Variants in SGCZ observed in about 807,000 individuals in gnomAD.
SGCZ encodes zeta-sarcoglycan.
Under a neutral mutation model 41.3 loss-of-function variants are expected in SGCZ, and 40 were observed. The observed-to-expected ratio is 0.97, with a 90% CI of 0.75 to 1.26. The LOEUF is 1.26. Ranked by LOEUF, SGCZ falls within the 50% of genes most tolerant of loss-of-function variation. The pLI, the probability that SGCZ is intolerant of heterozygous loss-of-function variation, is 0.00. For missense variants in SGCZ, 552 were observed against 369.8 expected (o/e 1.49, Z -4.04); for synonymous variants, 206 against 137.5 (o/e 1.50, Z -3.49).
intron 1 of SGCZ, among the ~76,000 whole-genome samples, chr8:15,057,430 T>C (rs986711119): frequency 6.6e-6 from 1 of 152,168 alleles, no homozygotes; most frequent in Non-Finnish European, 1.5e-5. Flanking sequence ...TACTATTGCA[T>C]ACCAGAGATA....
intron 2 of SGCZ, among the ~76,000 whole-genome samples, chr8:14,549,772 A>G (rs1268127742): frequency 6.6e-6 from 1 of 152,118 alleles, no homozygotes. Context: ...GACAAATAAA[A>G]GAATAAATCT....
At chr8:14,790,817 G>C (rs1025862804) in intron 1 of SGCZ, among the ~76,000 whole-genome samples, 1 of 152,088 alleles carries the variant, frequency 6.6e-6, no homozygotes, top group Non-Finnish European at 1.5e-5. Flanking sequence ...GATTACCTGA[G>C]GTCAGGAGTT....
chr8:14,418,701 C>G (rs1799562037), intron 2 of SGCZ, among the ~76,000 whole-genome samples: 1 of 151,802 alleles, frequency 6.6e-6, no homozygotes. Flanking sequence ...ATGCCACAAT[C>G]AATTTATATT....
chr8:14,839,221 A>C (rs915748403), intron 1 of SGCZ, among the ~76,000 whole-genome samples: 4 of 152,060 alleles, frequency 2.6e-5, no homozygotes, highest in Admixed American at 6.6e-5. Context: ...AATATTTGAT[A>C]TGGGGTATAG....
At chr8:14,953,730 T>TA (rs1196620949) in intron 1 of SGCZ, among the ~76,000 whole-genome samples, 1 of 152,186 alleles carries the variant, frequency 6.6e-6, no homozygotes, top group Non-Finnish European at 1.5e-5. Flanking sequence ...ATGACGCCTC[T>TA]AGCATGATGT....
chr8:15,082,212 T>C (rs1031288419), intron 1 of SGCZ, among the ~76,000 whole-genome samples: 6 of 151,666 alleles, frequency 4.0e-5, no homozygotes, highest in African/African-American at 1.2e-4. Flanking sequence ...CTGGGCAACA[T>C]AGCGAGACTC....
At chr8:14,599,168 T>C (rs1805507567) in intron 1 of SGCZ, among the ~76,000 whole-genome samples, 1 of 152,196 alleles carries the variant, frequency 6.6e-6, no homozygotes, top group Admixed American at 6.5e-5. Flanking sequence ...GACCTCTGTC[T>C]CTTATCTCTT....
intron 2 of SGCZ, among the ~76,000 whole-genome samples, chr8:14,327,912 C>T (rs1802180311): frequency 6.6e-6 from 1 of 152,142 alleles, no homozygotes; most frequent in Non-Finnish European, 1.5e-5. Context: ...TCCTGAGTAG[C>T]AGGGACTACA....
intron 2 of SGCZ, among the ~76,000 whole-genome samples, chr8:14,391,493 G>A (rs945413616): frequency 6.6e-6 from 1 of 152,056 alleles, no homozygotes; most frequent in Non-Finnish European, 1.5e-5. Context: ...CGGCCCATAA[G>A]GACTACTGAT....
chr8:14,257,916 A>C (rs1799521119), intron 3 of SGCZ, among the ~76,000 whole-genome samples: 1 of 152,238 alleles, frequency 6.6e-6, no homozygotes, highest in Non-Finnish European at 1.5e-5. Flanking sequence ...ATATAGATAT[A>C]GATATATAGA....
chr8:14,229,101 A>G (rs1166894013), intron 4 of SGCZ, among the ~76,000 whole-genome samples: 1 of 152,142 alleles, frequency 6.6e-6, no homozygotes, highest in Admixed American at 6.6e-5. Context: ...TTCAGGTTTT[A>G]GTCTAGGTCC....
chr8:14,843,806 C>A (rs571568131), intron 1 of SGCZ, among the ~76,000 whole-genome samples: 1 of 151,942 alleles, frequency 6.6e-6, no homozygotes, highest in African/African-American at 2.4e-5. Flanking sequence ...CTTACATTGC[C>A]TTATCTAATT....
In SGCZ at chr8:14,326,266, G is replaced by C. The variant is rs1411069833; in HGVS notation, c.235-2062C>G. Among the ~76,000 whole-genome samples the C allele has an allele frequency of 2.6e-5, 4 of 151,970 alleles. No individual in the cohort carries two copies. The East Asian group carries it at 7.7e-4, about 29-fold the overall frequency. On this transcript the variant is annotated intron_variant, in intron 2 of 7. Coordinates refer to ENST00000382080, the MANE Select transcript of SGCZ (RefSeq NM_139167.4). ...GGGAAAATATCTTTTATGTGTTCAG[G>C]GATGTTGTGATCAGTATCAGACGAA...
intron 4 of SGCZ, among the ~76,000 whole-genome samples, chr8:14,189,075 T>C (rs1585214563): frequency 6.6e-6 from 1 of 150,500 alleles, no homozygotes; most frequent in Admixed American, 6.7e-5. Flanking sequence ...GCAAGGCTGG[T>C]CTTGAACTCC....
At chr8:15,091,061 T>C (rs1806139767) in intron 1 of SGCZ, among the ~76,000 whole-genome samples, 1 of 152,238 alleles carries the variant, frequency 6.6e-6, no homozygotes, top group East Asian at 1.9e-4. Flanking sequence ...TACCTGTTTT[T>C]ATATTAAATG....
chr8:14,854,289 A>G (rs1803463922), intron 1 of SGCZ, among the ~76,000 whole-genome samples: 1 of 151,724 alleles, frequency 6.6e-6, no homozygotes, highest in Admixed American at 6.6e-5. Flanking sequence ...GACTCACTTT[A>G]CTATTTCATT....
At chr8:14,592,632 T>G (rs1805276964) in intron 1 of SGCZ, among the ~76,000 whole-genome samples, 1 of 152,168 alleles carries the variant, frequency 6.6e-6, no homozygotes, top group Admixed American at 6.5e-5. Context: ...AAAAACAAAC[T>G]TTTAAGCAAA....
intron 2 of SGCZ, among the ~76,000 whole-genome samples, chr8:14,455,548 T>G (rs1348404786): frequency 6.6e-6 from 1 of 151,896 alleles, no homozygotes; most frequent in East Asian, 1.9e-4. Flanking sequence ...ACAGATTAGG[T>G]AGATAGATAG....
At chr8:15,223,781 A>C (rs560280193) in intron 1 of SGCZ, among the ~76,000 whole-genome samples, 1 of 152,322 alleles carries the variant, frequency 6.6e-6, no homozygotes, top group South Asian at 2.1e-4. Context: ...ATATGTATTT[A>C]AAAAACGAGA....
Sources: gnomAD v4.1 joint callset for allele counts (sites outside exome capture counted in the v4.1 genomes callset) on GRCh38, gnomAD v4.1.1 for gene constraint, MANE v1.5 for transcripts, NCBI Gene and HGNC (gene_info 2026-07-23, HGNC 2026-07-21) for gene names.